Variants in SLC19A2 observed in about 807,000 individuals in gnomAD.
The protein encoded by SLC19A2 is thiamine transporter 1.
In SLC19A2, 27 loss-of-function variants were observed where a neutral mutation model predicts 44.7. The ratio of observed to expected loss-of-function variants is 0.60; its 90% confidence interval spans 0.45 to 0.83. The LOEUF is 0.83. SLC19A2 is among the 40% of genes least tolerant of loss of function. SLC19A2 has a pLI of 0.00. For missense variants in SLC19A2, 566 were observed against 613.7 expected, an observed-to-expected ratio of 0.92 and a Z score of 0.82; for synonymous variants, 239 against 243.6, an observed-to-expected ratio of 0.98 and a Z score of 0.18.
At chr1:169,482,274 T>C (rs540545024) in intron 1 of SLC19A2, among the ~76,000 whole-genome samples, 5 of 151,288 alleles carry the variant, frequency 3.3e-5, no homozygotes, top group African/African-American at 1.2e-4. Context: ...GCACTGTAGC[T>C]CATGCCTGTA....
At chr1:169,470,526 GAAT>G (rs1557889496) in intron 2 of SLC19A2, among the ~76,000 whole-genome samples, 1 of 151,916 alleles carries the variant, frequency 6.6e-6, no homozygotes, top group Non-Finnish European at 1.5e-5. Flanking sequence ...AACATAACAA[GAAT>G]AATAATAAGC....
At chr1:169,468,336 A>C in intron 4 of SLC19A2, 84 bp from the exon 5 acceptor site, 1 of 1,209,124 alleles carries the variant, frequency 8.3e-7, no homozygotes, top group Admixed American at 2.3e-5. Context: ...GTAAACATTT[A>C]TCTTTAAACA....
chr1:169,479,181 C>G (rs1410208789), intron 1 of SLC19A2, among the ~76,000 whole-genome samples: 2 of 152,166 alleles, frequency 1.3e-5, no homozygotes, highest in Non-Finnish European at 2.9e-5. Context: ...TTTCATTAAG[C>G]TTCTCTGACT....
Position 169,477,555 on chromosome 1 carries a change from G to C in SLC19A2, c.407C>G (p.Ala136Gly), listed in dbSNP as rs762879926. 3 of 1,614,146 alleles carry C rather than the reference G, an allele frequency of 1.9e-6. No individual in the cohort carries two copies. In the Admixed American group the frequency reaches 5.0e-5, roughly 27 times the overall value. Residue 136 changes from alanine (A) to glycine (G), a missense_variant, in exon 2 of 6, where the codon GCC becomes GGC. Coordinates refer to ENST00000236137, the MANE Select transcript of SLC19A2 (RefSeq NM_006996.3). The stretch of plus-strand genomic sequence containing the variant: ...ATAAGAGTAATAGGCAATTTCAGTG[G>C]CTGTGGCGATGCCATAAAAAAATTC... ...FLEFFYGIAT[A>G]TEIAYYSYIY... is the part of the protein sequence containing the mutation.
intron 5 of SLC19A2, among the ~76,000 whole-genome samples, chr1:169,467,585 C>T (rs1571530918): frequency 6.6e-6 from 1 of 152,132 alleles, no homozygotes; most frequent in South Asian, 2.1e-4. Flanking sequence ...AATTCCTGAA[C>T]GTAAAAAGTA....
Position 169,468,191 on chromosome 1 carries a change from A to G in SLC19A2, c.1285T>C (p.Phe429Leu). 1 of 1,613,946 alleles carries G rather than the reference A, an allele frequency of 6.2e-7. No homozygotes were observed. The highest frequency in any genetic ancestry group is 8.5e-7 in the Non-Finnish European group (1 of 1,179,810). Residue 429 changes from phenylalanine to leucine, a missense_variant, in exon 5 of 6, where the codon TTC becomes CTC. Coordinates refer to ENST00000236137, the MANE Select transcript of SLC19A2 (RefSeq NM_006996.3). ...AGCGTCTGCAGTGCCAGGGCAATGA[A>G]GGTATTTACACCAAATACTAGGGCA... Reference protein sequence around the residue: ...RYALVFGVNTFIALALQTLLT... With the variant: ...RYALVFGVNTLIALALQTLLT...
intron 5 of SLC19A2, among the ~76,000 whole-genome samples, chr1:169,466,363 T>A (rs1400858974): frequency 6.6e-6 from 1 of 151,906 alleles, no homozygotes; most frequent in Non-Finnish European, 1.5e-5. Flanking sequence ...GCTGTTATTG[T>A]TATAATTCAG....
In SLC19A2 at chr1:169,477,172, G is replaced by A. The variant is rs766644037; in HGVS notation, c.790C>T (p.Pro264Ser). 2 of 1,613,740 alleles carry A rather than the reference G, an allele frequency of 1.2e-6. No individual in the cohort carries two copies. The highest frequency in any genetic ancestry group is 1.7e-6 in the Non-Finnish European group (2 of 1,179,906). ...GAGCTTACCGGTTCCTCCACGGGAG[G>A]CTCCTCCATATTTAGAGGGATTTTT... ...ESKIPLNMEE[P>S]PVEEPEPKPD... The change falls in exon 2 of 6, where the codon CCT (proline) becomes TCT (serine). Residue 264 changes from proline (P) to serine (S), a missense_variant. Physicochemically the swap from Pro to Ser is moderately conservative, Grantham distance 74 (BLOSUM62 -1). Transcript: ENST00000236137.
rs1396839789 is a variant in SLC19A2, at chr1:169,477,541, A to G, written c.421T>C (p.Tyr141His). 6.2e-7 allele frequency: 1 copy of G among 1,614,222 alleles called. No individual in the cohort carries two copies. The highest frequency in any genetic ancestry group is 8.5e-7 in the Non-Finnish European group (1 of 1,180,022). ...ACCACACTGTAGATATAAGAGTAATAGGCAATTTCAGTGGCTGTGGCGATG... is the reference window on the plus strand; with the variant it reads ...ACCACACTGTAGATATAAGAGTAATGGGCAATTTCAGTGGCTGTGGCGATG... ...YGIATATEIA[Y>H]YSYIYSVVDL... The change falls in exon 2 of 6, where the codon TAT (tyrosine) becomes CAT (histidine). Residue 141 changes from tyrosine (Y) to histidine (H), a missense_variant. Transcript: ENST00000236137.
At chr1:169,477,066 A>G in intron 2 of SLC19A2, 89 bp downstream of exon 2, 1 of 1,398,284 alleles carries the variant, frequency 7.2e-7, no homozygotes, top group Non-Finnish European at 1.0e-6. Flanking sequence ...AAATAAATAC[A>G]AGATCTACCA....
chr1:169,471,694 GTGTGTA>G (rs1457275333), intron 2 of SLC19A2, among the ~76,000 whole-genome samples: 5 of 145,884 alleles, frequency 3.4e-5, no homozygotes, highest in Non-Finnish European at 4.5e-5. Flanking sequence ...GTGTGTGTGT[GTGTGTA>G]TATATACACA....
intron 2 of SLC19A2, among the ~76,000 whole-genome samples, chr1:169,476,294 A>T (rs1046382282): frequency 1.3e-5 from 2 of 152,166 alleles, no homozygotes; most frequent in African/African-American, 4.8e-5. Context: ...ACCACCTCAA[A>T]CTGTCCTCTT....
intron 5 of SLC19A2, among the ~76,000 whole-genome samples, 176 bp downstream of exon 5, chr1:169,467,935 C>G (rs1048687831): frequency 2.0e-5 from 3 of 152,206 alleles, no homozygotes; most frequent in African/African-American, 7.2e-5. Context: ...CCAACACCCT[C>G]CCAGGAGAAA....
intron 1 of SLC19A2, among the ~76,000 whole-genome samples, chr1:169,481,534 C>A (rs539200756): frequency 2.6e-5 from 4 of 152,188 alleles, no homozygotes; most frequent in Non-Finnish European, 5.9e-5. Context: ...AAGGCAGATC[C>A]TTTTCTTTTT....
rs767047315 is a variant in SLC19A2 at position 169,477,658 on chromosome 1, GAAC to G, written c.301_303del (p.Val101del). On this transcript the variant is annotated inframe_deletion, in exon 2 of 6. Transcript: ENST00000236137. Reference sequence around the variant, plus strand: ...ACAATAAGGCTGAGCCCCTGCAGTAGAACAACAGGTTTATAACGGAGGTAGTCT... The same window carrying G: ...ACAATAAGGCTGAGCCCCTGCAGTAGAACAGGTTTATAACGGAGGTAGTCT... The G allele has an allele frequency of 6.2e-7, 1 of 1,613,770 alleles. No homozygotes were observed. The highest frequency in any genetic ancestry group is 8.5e-7 in the Non-Finnish European group (1 of 1,179,952).
chr1:169,470,901 A>C (rs983953119), intron 2 of SLC19A2, among the ~76,000 whole-genome samples: 1 of 152,110 alleles, frequency 6.6e-6, no homozygotes, highest in Non-Finnish European at 1.5e-5. Context: ...AATCTACCAA[A>C]GGTTACTGTA....
intron 1 of SLC19A2, among the ~76,000 whole-genome samples, chr1:169,485,120 G>A (rs530344682): frequency 1.3e-5 from 2 of 152,338 alleles, no homozygotes; most frequent in East Asian, 1.9e-4. Context: ...GCAGGTGAAG[G>A]AGGTAGAGGG....
chr1:169,465,514 C>A lies in SLC19A2; in HGVS notation c.*335G>T. 1 of 331,240 alleles carries A rather than the reference C, an allele frequency of 3.0e-6. No individual in the cohort carries two copies. The highest frequency in any genetic ancestry group is 5.8e-6 in the Non-Finnish European group (1 of 172,722). The allele number at this position is 331,240 out of a possible 1,614,324, so 20.5% of individuals were successfully genotyped here. A position where few individuals can be genotyped will look rare whatever the true frequency, so the allele number is the denominator to read the frequency against. On this transcript the variant is annotated 3_prime_UTR_variant, in exon 6 of 6. Transcript: ENST00000236137. Reference sequence around the variant, plus strand: ...CTAAGTAGATACAGACATATGTGACCTATAAAACACCAAACTCACTTGCTA... The same window carrying A: ...CTAAGTAGATACAGACATATGTGACATATAAAACACCAAACTCACTTGCTA...
chr1:169,484,615 T>C (rs766476906), intron 1 of SLC19A2, among the ~76,000 whole-genome samples: 5 of 152,246 alleles, frequency 3.3e-5, no homozygotes, highest in African/African-American at 4.8e-5. Context: ...ACTTTGGGTT[T>C]AATTTCTTTC....
Sources: allele counts gnomAD v4.1 joint callset (sites outside exome capture counted in the v4.1 genomes callset), GRCh38; gene constraint gnomAD v4.1.1; transcripts MANE v1.5; gene names NCBI Gene and HGNC (gene_info 2026-07-23, HGNC 2026-07-21).